The following SLC44A5 variants were observed in gnomAD, a reference collection of about 807,000 sequenced individuals.
SLC44A5 encodes solute carrier family 44 member 5.
A neutral mutation model predicts 101.8 loss-of-function variants in SLC44A5; 57 were observed. The ratio of observed to expected loss-of-function variants is 0.56; its 90% CI spans 0.45 to 0.70. SLC44A5 has a LOEUF of 0.70. Ranked by LOEUF, SLC44A5 falls within the 30% of genes least tolerant of loss-of-function variation. SLC44A5 has a pLI of 0.00. For synonymous variants in SLC44A5, 281 were observed against 290.9 expected (o/e 0.97, Z 0.35); for missense variants, 737 against 853.1 (o/e 0.86, Z 1.70).
chr1:75,408,479 A>T (rs1341798882), intron 2 of SLC44A5, among the ~76,000 whole-genome samples: 1 of 152,186 alleles, frequency 6.6e-6, no homozygotes, highest in African/African-American at 2.4e-5. Flanking sequence ...CCCATCAATG[A>T]TAGACTAGAT....
intron 4 of SLC44A5, among the ~76,000 whole-genome samples, chr1:75,336,185 T>C (rs1372301092): frequency 6.6e-6 from 1 of 152,142 alleles, no homozygotes; most frequent in African/African-American, 2.4e-5. Flanking sequence ...AGACAGAGTC[T>C]TTCTCTGTCA....
At chr1:75,580,144 C>T (rs1280834850) in intron 1 of SLC44A5, among the ~76,000 whole-genome samples, 1 of 151,832 alleles carries the variant, frequency 6.6e-6, no homozygotes, top group African/African-American at 2.4e-5. Context: ...TAAAAAAAGA[C>T]TACCTACAGC....
the SLC44A5 span, among the ~76,000 whole-genome samples, chr1:75,699,940 C>A: frequency 3.9e-5 from 6 of 151,982 alleles, no homozygotes; most frequent in Non-Finnish European, 5.9e-5. Context: ...GGGATCAATT[C>A]AACAAGAAGA....
At chr1:75,385,987 A>G (rs1440735280) in intron 3 of SLC44A5, among the ~76,000 whole-genome samples, 1 of 152,136 alleles carries the variant, frequency 6.6e-6, no homozygotes, top group African/African-American at 2.4e-5. Flanking sequence ...ATGCAGAAAA[A>G]GCCTTTGACA....
At chr1:75,477,023 C>A (rs867589687) in intron 2 of SLC44A5, among the ~76,000 whole-genome samples, 1 of 152,204 alleles carries the variant, frequency 6.6e-6, no homozygotes, top group Non-Finnish European at 1.5e-5. Flanking sequence ...CAGACTGACA[C>A]CTCACAGGAC....
At chr1:75,296,837 A>T (rs1654004677) in intron 5 of SLC44A5, among the ~76,000 whole-genome samples, 1 of 151,978 alleles carries the variant, frequency 6.6e-6, no homozygotes, top group African/African-American at 2.4e-5. Flanking sequence ...GCACTCCCAA[A>T]CTCACTGGCT....
chr1:75,269,273 T>C (rs2100724718), intron 6 of SLC44A5, among the ~76,000 whole-genome samples: 1 of 152,246 alleles, frequency 6.6e-6, no homozygotes, highest in South Asian at 2.1e-4. Context: ...GATCTTTTTT[T>C]CTTTTTGATT....
chr1:75,220,356 T>C (rs1647052937), intron 14 of SLC44A5, among the ~76,000 whole-genome samples: 1 of 152,116 alleles, frequency 6.6e-6, no homozygotes, highest in Non-Finnish European at 1.5e-5. Context: ...CTTATTCTAT[T>C]TTCTTATCAA....
intron 3 of SLC44A5, among the ~76,000 whole-genome samples, chr1:75,367,338 C>CT (rs2101146042): frequency 6.6e-6 from 1 of 152,260 alleles, no homozygotes; most frequent in African/African-American, 2.4e-5. Flanking sequence ...GGCATATCTC[C>CT]TATGGGGTCC....
At chr1:75,386,939 G>GA (rs1007630873) in intron 3 of SLC44A5, among the ~76,000 whole-genome samples, 9 of 151,886 alleles carry the variant, frequency 5.9e-5, no homozygotes, top group Admixed American at 2.6e-4. Context: ...TGACAAACCT[G>GA]AAAAAAACAA....
At chr1:75,413,872 T>A (rs1213734487) in intron 2 of SLC44A5, among the ~76,000 whole-genome samples, 2 of 152,172 alleles carry the variant, frequency 1.3e-5, no homozygotes, top group African/African-American at 4.8e-5. Flanking sequence ...GCAGTCCACA[T>A]GAAGTGAAAG....
At chr1:75,696,284 T>C in the SLC44A5 span, among the ~76,000 whole-genome samples, 7 of 152,130 alleles carry the variant, frequency 4.6e-5, no homozygotes, top group African/African-American at 1.4e-4. Flanking sequence ...TTACATTTCA[T>C]TGGCCAAAGC....
chr1:75,466,847 A>G (rs1357627456), intron 2 of SLC44A5, among the ~76,000 whole-genome samples: 1 of 152,076 alleles, frequency 6.6e-6, no homozygotes, highest in Non-Finnish European at 1.5e-5. Flanking sequence ...AGTTAGAGCA[A>G]TGAGACAAAG....
chr1:75,509,530 G>A (rs1034121722), intron 2 of SLC44A5, among the ~76,000 whole-genome samples: 1 of 152,158 alleles, frequency 6.6e-6, no homozygotes, highest in African/African-American at 2.4e-5. Flanking sequence ...GATACTGGAA[G>A]AAGACTCACA....
the SLC44A5 span, among the ~76,000 whole-genome samples, chr1:75,673,151 G>A: frequency 6.6e-6 from 1 of 152,086 alleles, no homozygotes; most frequent in Non-Finnish European, 1.5e-5. Flanking sequence ...TGGGCTCTTG[G>A]GGTCTCTGAT....
At chr1:75,260,947 G>A (rs554998632) in intron 6 of SLC44A5, among the ~76,000 whole-genome samples, 165 of 152,198 alleles carry the variant, frequency 1.1e-3, no homozygotes, top group Non-Finnish European at 1.8e-3. Context: ...TGAAATGAAG[G>A]CAGAAATATA....
intron 2 of SLC44A5, among the ~76,000 whole-genome samples, chr1:75,468,843 C>G (rs1666958918): frequency 6.6e-6 from 1 of 151,560 alleles, no homozygotes; most frequent in African/African-American, 2.4e-5. Context: ...TATTAGTGAC[C>G]CAAGAGATAA....
At chr1:75,683,320 G>A in the SLC44A5 span, among the ~76,000 whole-genome samples, 12 of 152,154 alleles carry the variant, frequency 7.9e-5, no homozygotes, top group South Asian at 2.1e-4. Flanking sequence ...TGTTTATTGC[G>A]GCATTATTCA....
At chr1:75,709,672 T>C in the SLC44A5 span, among the ~76,000 whole-genome samples, 1 of 152,358 alleles carries the variant, frequency 6.6e-6, no homozygotes, top group South Asian at 2.1e-4. Context: ...TCTGTAGCTA[T>C]TCCTTCTATA....
Sources: gnomAD v4.1 joint callset for allele counts (sites outside exome capture counted in the v4.1 genomes callset) on GRCh38, gnomAD v4.1.1 for gene constraint, MANE v1.5 for transcripts, NCBI Gene and HGNC (gene_info 2026-07-23, HGNC 2026-07-21) for gene names.